The following CDH7 variants were observed in gnomAD, a reference collection of about 807,000 sequenced individuals.
The protein encoded by CDH7 is cadherin-7.
CDH7 carries 25 observed loss-of-function variants against 71.8 expected under a neutral mutation model. The ratio of observed to expected loss-of-function variants is 0.35; its 90% CI spans 0.25 to 0.49. The LOEUF (loss-of-function observed/expected upper bound fraction) is 0.49, where lower values mean the gene tolerates loss of function less well. Ranked by LOEUF, CDH7 falls within the 20% of genes least tolerant of loss-of-function variation. CDH7 has a pLI of 0.99. For synonymous variants in CDH7, 381 were observed against 363.8 expected, an observed-to-expected ratio of 1.05 and a Z score of -0.54; for missense variants, 862 against 974.6, an observed-to-expected ratio of 0.88 and a Z score of 1.54.
At chr18:65,832,269 A>AT (rs2143962379) in intron 6 of CDH7, among the ~76,000 whole-genome samples, 1 of 152,220 alleles carries the variant, frequency 6.6e-6, no homozygotes, top group East Asian at 1.9e-4. Flanking sequence ...TTATCATTGT[A>AT]TTTTGCTACA....
chr18:65,813,843 G>A (rs534700150), intron 3 of CDH7, among the ~76,000 whole-genome samples: 121 of 152,252 alleles, frequency 7.9e-4, no homozygotes, highest in African/African-American at 2.8e-3. Flanking sequence ...AACTATTGAT[G>A]CAATTTTTAA....
At chr18:65,870,945 A>T (rs1293578000) in intron 11 of CDH7, among the ~76,000 whole-genome samples, 1 of 152,174 alleles carries the variant, frequency 6.6e-6, no homozygotes, top group African/African-American at 2.4e-5. Flanking sequence ...AATATTATTT[A>T]TTGCACTCTA....
rs145778114 is a variant in CDH7, at chr18:65,771,837, T to C, written c.210+8785T>C. ...AAAAAAAAGAGAGAGCCAAATGACA[T>C]TGGGGGAAAACAAACCAGTATGGGG... On this transcript the variant is annotated intron_variant, in intron 2 of 11. Coordinates refer to ENST00000397968, the MANE Select transcript of CDH7 (RefSeq NM_004361.5). Among the ~76,000 whole-genome samples, 57 of 152,124 alleles carry C rather than the reference T, an allele frequency of 3.7e-4. 1 individual carries two copies. Among genetic ancestry groups the C allele is most frequent in the Middle Eastern group, 3.4e-3 (1 of 294 alleles).
At chr18:65,836,014 G>A (rs774932621) in intron 6 of CDH7, among the ~76,000 whole-genome samples, 23 of 152,212 alleles carry the variant, frequency 1.5e-4, no homozygotes, top group African/African-American at 5.3e-4. Flanking sequence ...ATACAGTAAC[G>A]GAACCCAAGC....
Position 65,862,878 on chromosome 18 carries a change from G to C in CDH7, c.1825G>C (p.Ala609Pro). ...CCTACCTGCTGGCCTCAGTACAGGA[G>C]CCCTGATAGCCATACTCGCCTGTGT... is the stretch of plus-strand genomic sequence containing the variant. ...YVLPAGLSTGALIAILACVLT... is the reference protein window; with the variant it reads ...YVLPAGLSTGPLIAILACVLT... The change falls in exon 11 of 12, where the codon GCC becomes CCC. Residue 609 changes from alanine (A) to proline (P), a missense_variant. Coordinates refer to ENST00000397968, the MANE Select transcript of CDH7 (RefSeq NM_004361.5). 6.2e-7 allele frequency: 1 copy of C among 1,614,184 alleles called. No individual in the cohort carries two copies.
intron 2 of CDH7, among the ~76,000 whole-genome samples, chr18:65,795,835 A>G (rs1910892252): frequency 6.6e-6 from 1 of 152,040 alleles, no homozygotes; most frequent in African/African-American, 2.4e-5. Flanking sequence ...GTGGGAGGTA[A>G]TTGAATCATG....
intron 11 of CDH7, among the ~76,000 whole-genome samples, chr18:65,872,649 A>G (rs1913962002): frequency 6.6e-6 from 1 of 152,166 alleles, no homozygotes; most frequent in Admixed American, 6.5e-5. Context: ...TAATCCCAGC[A>G]GTTTGGGAGG....
intron 2 of CDH7, among the ~76,000 whole-genome samples, chr18:65,783,874 T>G (rs1166598170): frequency 5.9e-5 from 9 of 152,102 alleles, no homozygotes; most frequent in Admixed American, 3.9e-4. Context: ...GTGTAATAGA[T>G]GCTGATAAAT....
intron 2 of CDH7, among the ~76,000 whole-genome samples, chr18:65,800,814 G>C (rs940419583): frequency 3.9e-5 from 6 of 152,058 alleles, no homozygotes; most frequent in African/African-American, 9.7e-5. Flanking sequence ...GGTGGATTCT[G>C]TGTGTTACTC....
chr18:65,801,263 G>T (rs539291607), intron 2 of CDH7, among the ~76,000 whole-genome samples: 3 of 152,202 alleles, frequency 2.0e-5, no homozygotes, highest in African/African-American at 7.2e-5. Context: ...AAACAAACAG[G>T]CTAGATTCAA....
intron 6 of CDH7, among the ~76,000 whole-genome samples, chr18:65,825,304 T>C (rs1912087282): frequency 1.3e-5 from 2 of 151,888 alleles, no homozygotes; most frequent in East Asian, 1.9e-4. Flanking sequence ...TTTATAGTAA[T>C]TGGAAGACTT....
At chr18:65,770,683 A>C (rs867938677) in intron 2 of CDH7, among the ~76,000 whole-genome samples, 8 of 152,322 alleles carry the variant, frequency 5.3e-5, no homozygotes, top group Middle Eastern at 3.4e-3. Flanking sequence ...GTTTGGTAAT[A>C]AAATAAGTAG....
intron 11 of CDH7, chr18:65,863,766 C>T (rs934395578): frequency 2.0e-5 from 3 of 152,098 alleles, no homozygotes; most frequent in Non-Finnish European, 2.9e-5. Context: ...TAGTTTATTA[C>T]TCGGTTAAAT....
chr18:65,844,302 A>G (rs747485907), intron 7 of CDH7, among the ~76,000 whole-genome samples: 1 of 151,484 alleles, frequency 6.6e-6, no homozygotes, highest in Non-Finnish European at 1.5e-5. Flanking sequence ...GGCCTCCATT[A>G]CTATCCACAA....
chr18:65,809,626 A>C, intron 2 of CDH7, 78 bp from the exon 3 acceptor site: 1 of 1,224,110 alleles, frequency 8.2e-7, no homozygotes, highest in Non-Finnish European at 1.2e-6. Context: ...CCTGCCTGAC[A>C]TAAGAATTAT....
At position 65,835,184 on chromosome 18, in the gene CDH7, G is replaced by C. The variant is rs560716563; in HGVS notation, c.982-8628G>C. 2.4e-3 allele frequency among the ~76,000 whole-genome samples: 364 copies of C among 152,246 alleles called. 3 individuals carry two copies. Among genetic ancestry groups the C allele is most frequent in the African/African-American group, 8.4e-3 (351 of 41,550 alleles). ...AAGAACAGAGGTTGTATGGTCTTTTGAGGCTGTTTGACAGAATTGACATGT... is the reference window on the plus strand; with the variant it reads ...AAGAACAGAGGTTGTATGGTCTTTTCAGGCTGTTTGACAGAATTGACATGT... On this transcript the variant is annotated intron_variant, in intron 6 of 11. Coordinates refer to ENST00000397968, the MANE Select transcript of CDH7 (RefSeq NM_004361.5).
At chr18:65,860,202 T>G (rs560206704) in intron 10 of CDH7, among the ~76,000 whole-genome samples, 34 of 152,268 alleles carry the variant, frequency 2.2e-4, no homozygotes, top group African/African-American at 7.9e-4. Flanking sequence ...GAACTGGACA[T>G]TACACATTTT....
intron 1 of CDH7, among the ~76,000 whole-genome samples, chr18:65,762,396 ATATT>A (rs1206695931): frequency 6.6e-6 from 1 of 152,226 alleles, no homozygotes; most frequent in Non-Finnish European, 1.5e-5. Flanking sequence ...AAGAAAAGTG[ATATT>A]TTAAAGTAGT....
At chr18:65,861,377 A>G (rs570814170) in intron 10 of CDH7, among the ~76,000 whole-genome samples, 20 of 135,304 alleles carry the variant, frequency 1.5e-4, no homozygotes, top group African/African-American at 6.8e-4. Context: ...GGTATCAGTC[A>G]TGTTAGATTA....
Sources: gnomAD v4.1 joint callset for allele counts (sites outside exome capture counted in the v4.1 genomes callset) on GRCh38, gnomAD v4.1.1 for gene constraint, MANE v1.5 for transcripts, NCBI Gene and HGNC (gene_info 2026-07-23, HGNC 2026-07-21) for gene names.